Variants in MGAT4D observed in about 807,000 individuals in gnomAD.
MGAT4D encodes the protein alpha-1,3-mannosyl-glycoprotein 4-beta-N-acetylglucosaminyltransferase-like protein MGAT4D.
A neutral mutation model predicts 15.9 loss-of-function variants in MGAT4D; 34 were observed. That is an observed-to-expected ratio of 2.14 (90% CI 1.62 to 2.84). The LOEUF (loss-of-function observed/expected upper bound fraction) is 2.84, where lower values mean the gene tolerates loss of function less well. MGAT4D is among the 30% of genes most tolerant of loss of function. MGAT4D has a pLI of 0.00. For synonymous variants in MGAT4D, 112 were observed against 48.2 expected (o/e 2.33, Z -5.49); for missense variants, 327 against 140.2 (o/e 2.33, Z -6.73).
At chr4:140,475,035 G>T (rs1340319908) in intron 3 of MGAT4D, 89 bp from the exon 4 acceptor site, 5 of 453,588 alleles carry the variant, frequency 1.1e-5, no homozygotes, top group Non-Finnish European at 1.9e-5. Context: ...CTATGTTTGG[G>T]TTAGTCTTAC....
intron 6 of MGAT4D, among the ~76,000 whole-genome samples, chr4:140,463,460 CAGTGGGG>C (rs1162568736): frequency 6.6e-6 from 1 of 151,974 alleles, no homozygotes; most frequent in African/African-American, 2.4e-5. Flanking sequence ...CTTGCTTTCT[CAGTGGGG>C]AGGCTTGTAG....
At chr4:140,491,858 C>A (rs183975307) in intron 1 of MGAT4D, among the ~76,000 whole-genome samples, 1 of 152,016 alleles carries the variant, frequency 6.6e-6, no homozygotes, top group Non-Finnish European at 1.5e-5. Context: ...TCTGTCCCCC[C>A]AGCTCTTTCC....
At chr4:140,496,418 A>C (rs772356582) in intron 1 of MGAT4D, among the ~76,000 whole-genome samples, 4 of 152,358 alleles carry the variant, frequency 2.6e-5, no homozygotes, top group South Asian at 4.1e-4. Flanking sequence ...GCTTTGAGGA[A>C]TCGAACTTCT....
intron 10 of MGAT4D, among the ~76,000 whole-genome samples, chr4:140,448,747 T>C (rs530738756): frequency 2.0e-5 from 3 of 152,326 alleles, no homozygotes; most frequent in Admixed American, 1.3e-4. Context: ...AGAGAACTAG[T>C]GTGGTCATTT....
intron 5 of MGAT4D, among the ~76,000 whole-genome samples, chr4:140,468,072 T>C (rs543267772): frequency 6.6e-6 from 1 of 152,058 alleles, no homozygotes; most frequent in Non-Finnish European, 1.5e-5. Flanking sequence ...TATTCTATTA[T>C]AATTTAATAG....
chr4:140,492,681 G>A (rs1304161958), intron 1 of MGAT4D, among the ~76,000 whole-genome samples: 2 of 151,738 alleles, frequency 1.3e-5, no homozygotes, highest in African/African-American at 4.8e-5. Context: ...TGGAAGTTTT[G>A]CCATTTTCTC....
intron 2 of MGAT4D, among the ~76,000 whole-genome samples, chr4:140,481,782 G>A (rs1223266685): frequency 6.6e-6 from 1 of 152,200 alleles, no homozygotes; most frequent in Non-Finnish European, 1.5e-5. Flanking sequence ...AGCAGTGGTT[G>A]CCAGGGATTA....
intron 6 of MGAT4D, among the ~76,000 whole-genome samples, 173 bp from the exon 7 acceptor site, chr4:140,462,177 A>C (rs1025296806): frequency 6.6e-6 from 1 of 152,178 alleles, no homozygotes; most frequent in Non-Finnish European, 1.5e-5. Flanking sequence ...CTTATACTAA[A>C]AAGTTTTCCA....
In MGAT4D at chr4:140,443,382, G is replaced by T; in HGVS notation, c.*54C>A. ...CTACAATTTCTGAAACATGCCATTA[G>T]ATATCAAGGTTATCTGAGGTTCCAG... On this transcript the variant is annotated 3_prime_UTR_variant, in exon 11 of 11. Coordinates refer to ENST00000511113, the MANE Select transcript of MGAT4D (RefSeq NM_001277353.2). The T allele has an allele frequency of 2.0e-6, 1 of 491,766 alleles. No homozygotes were observed. Among genetic ancestry groups the T allele is most frequent in the Non-Finnish European group, 3.6e-6 (1 of 278,208 alleles). The allele number at this position is 491,766 out of a possible 1,614,324, so 30.5% of individuals were successfully genotyped here.
chr4:140,469,257 G>A (rs1731752266), intron 5 of MGAT4D, among the ~76,000 whole-genome samples: 1 of 152,166 alleles, frequency 6.6e-6, no homozygotes, highest in South Asian at 2.1e-4. Context: ...TTTCTGCCAC[G>A]TTTGTTTCAT....
In MGAT4D at chr4:140,456,585, TC is replaced by T; in HGVS notation, c.1008+3del. 1 of 647,272 alleles carries T rather than the reference TC, an allele frequency of 1.5e-6. No homozygotes were observed. The highest frequency in any genetic ancestry group is 2.8e-6 in the Non-Finnish European group (1 of 360,020). 40.1% of individuals were successfully genotyped at this position (647,272 alleles called of 1,614,324 possible). A position where few individuals can be genotyped will look rare whatever the true frequency, so the allele number is the denominator to read the frequency against. ...TATTTGGTATTCATAAAGTAAATAC[TC>T]ACAAGATCTTCTCCTGCGTCACACA... On this transcript the variant is annotated splice_donor_region_variant and intron_variant, in intron 9 of 10. Transcript: ENST00000511113.
At position 140,471,816 on chromosome 4, in the gene MGAT4D, AT is replaced by A; in HGVS notation, c.530del (p.Asn177MetfsTer11). 2.1e-6 allele frequency: 1 copy of A among 484,048 alleles called. No individual in the cohort carries two copies. The highest frequency in any genetic ancestry group is 3.8e-6 in the Non-Finnish European group (1 of 266,062). 30.0% of individuals were successfully genotyped at this position (484,048 alleles called of 1,614,324 possible). On this transcript the variant is annotated frameshift_variant, in exon 5 of 11. Coordinates refer to ENST00000511113, the MANE Select transcript of MGAT4D (RefSeq NM_001277353.2). LOFTEE classifies it high-confidence loss of function. ...TAACAACAGAATGTAAATAATCTTCATTACTCTAAAAATGAGAAAAATATTT... is the reference window on the plus strand; with the variant it reads ...TAACAACAGAATGTAAATAATCTTCATACTCTAAAAATGAGAAAAATATTT... Reference protein sequence around the residue: ...SVVIVLVADSNEDYLHSVVKM... With the variant: ...SVVIVLVADSXEDYLHSVVKM...
At chr4:140,445,961 A>T (rs1730092570) in intron 10 of MGAT4D, among the ~76,000 whole-genome samples, 1 of 152,112 alleles carries the variant, frequency 6.6e-6, no homozygotes, top group South Asian at 2.1e-4. Flanking sequence ...TTATGAGATG[A>T]ATCACATTTA....
At chr4:140,496,847 A>G (rs1422053806) in intron 1 of MGAT4D, among the ~76,000 whole-genome samples, 1 of 151,860 alleles carries the variant, frequency 6.6e-6, no homozygotes, top group African/African-American at 2.4e-5. Context: ...TAAAAAAAAA[A>G]TTACTATAAA....
intron 7 of MGAT4D, among the ~76,000 whole-genome samples, chr4:140,460,433 T>A (rs1181251548): frequency 2.6e-5 from 4 of 152,194 alleles, no homozygotes; most frequent in African/African-American, 9.6e-5. Context: ...GTATCTTTTA[T>A]AAGGGCACGA....
At chr4:140,457,355 AT>A (rs1396714250) in intron 8 of MGAT4D, 2 of 152,164 alleles carry the variant, frequency 1.3e-5, no homozygotes, top group Non-Finnish European at 2.9e-5. Context: ...AATACATCTA[AT>A]GATTTGATAA....
At chr4:140,448,642 C>T (rs532060191) in intron 10 of MGAT4D, among the ~76,000 whole-genome samples, 276 of 152,302 alleles carry the variant, frequency 1.8e-3, no homozygotes, top group Non-Finnish European at 2.3e-3. Flanking sequence ...TAAGTATTAA[C>T]ATTCTCCTGA....
intron 1 of MGAT4D, among the ~76,000 whole-genome samples, chr4:140,486,002 A>G (rs77551576): frequency 0.16 from 24,450 of 151,758 alleles, 2,325 homozygotes; most frequent in East Asian, 0.41. Context: ...TCACACTTAG[A>G]AAAATAACCA....
intron 5 of MGAT4D, among the ~76,000 whole-genome samples, chr4:140,469,672 C>T (rs1731785120): frequency 6.6e-6 from 1 of 152,154 alleles, no homozygotes; most frequent in Non-Finnish European, 1.5e-5. Context: ...TTGTTTTGCC[C>T]CAGATGGCTT....
Sources: allele counts gnomAD v4.1 joint callset (sites outside exome capture counted in the v4.1 genomes callset), GRCh38; gene constraint gnomAD v4.1.1; transcripts MANE v1.5; gene names NCBI Gene and HGNC (gene_info 2026-07-23, HGNC 2026-07-21).